Variants in PHACTR2 observed in about 807,000 individuals in gnomAD.
The protein encoded by PHACTR2 is chromosome 6 open reading frame 56.
A neutral mutation model predicts 76.0 loss-of-function variants in PHACTR2; 30 were observed. That is an observed-to-expected ratio of 0.39 (90% CI 0.30 to 0.54). The LOEUF (loss-of-function observed/expected upper bound fraction) is 0.54, where lower values mean the gene tolerates loss of function less well. PHACTR2 is among the 20% of genes least tolerant of loss of function. The pLI is 0.61. For synonymous variants in PHACTR2, 292 were observed against 292.5 expected, an observed-to-expected ratio of 1.00 and a Z score of 0.02; for missense variants, 696 against 781.1, an observed-to-expected ratio of 0.89 and a Z score of 1.30.
In PHACTR2 at chr6:143,809,286, A is replaced by G. The variant is rs1232701319; in HGVS notation, c.1922+2153A>G. ...GGTTCTTTCTGTTCTGTTGTACTCT[A>G]TATGAAGAAGCACAATAAAATTGGA... is the stretch of plus-strand genomic sequence containing the variant. On this transcript the variant is annotated intron_variant, in intron 12 of 12. Coordinates refer to ENST00000440869, the MANE Select transcript of PHACTR2 (RefSeq NM_001100164.2). The surrounding 1 kb of genome is among the most constrained non-coding windows in gnomAD (Gnocchi z 4.2). 1.3e-5 allele frequency among the ~76,000 whole-genome samples: 2 copies of G among 152,236 alleles called. No homozygotes were observed. Among genetic ancestry groups the G allele is most frequent in the Non-Finnish European group, 2.9e-5 (2 of 68,044 alleles).
intron 1 of PHACTR2, among the ~76,000 whole-genome samples, chr6:143,566,000 G>C (rs1775357896): frequency 2.6e-5 from 4 of 152,142 alleles, no homozygotes; most frequent in Admixed American, 2.6e-4. Flanking sequence ...GCTTGTGGGG[G>C]GTTATCCTTA....
intron 2 of PHACTR2, among the ~76,000 whole-genome samples, chr6:143,719,571 A>T (rs1323348044): frequency 6.7e-6 from 1 of 148,532 alleles, no homozygotes; most frequent in Non-Finnish European, 1.5e-5. Flanking sequence ...GCTGGTCTTG[A>T]ACTCCTGACC....
In PHACTR2 at chr6:143,689,179, C is replaced by G. The variant is rs575710942; in HGVS notation, c.46+10970C>G. Among the ~76,000 whole-genome samples, 1 of 152,224 alleles carries G rather than the reference C, an allele frequency of 6.6e-6. No homozygotes were observed. The highest frequency in any genetic ancestry group is 1.5e-5 in the Non-Finnish European group (1 of 68,052). ...TCATAGAGACCTTCCCTGCCTACCC[C>G]TCTCCAGAATAACCCACCCAGGTCC... is the stretch of plus-strand genomic sequence containing the variant. On this transcript the variant is annotated intron_variant, in intron 1 of 12. Transcript: ENST00000440869. The surrounding 1 kb of genome is among the most constrained non-coding windows in gnomAD (Gnocchi z 4.4).
chr6:143,555,241 A>C (rs997566939), intron 1 of PHACTR2: 2 of 152,162 alleles, frequency 1.3e-5, no homozygotes, highest in Non-Finnish European at 2.9e-5. Context: ...CTGGGGAAAA[A>C]TACAGAAGAG....
rs1013086766 is a variant in PHACTR2 at position 143,672,287 on chromosome 6, C to CAA, written c.14-39716_14-39715dup. Among the ~76,000 whole-genome samples the CAA allele has an allele frequency of 6.0e-5, 7 of 116,690 alleles. No homozygotes were observed. Among genetic ancestry groups the CAA allele is most frequent in the Admixed American group, 8.1e-5 (1 of 12,294 alleles). The allele number at this position is 116,690 out of a possible 152,430, so 76.6% of individuals were successfully genotyped here. A position where few individuals can be genotyped will look rare whatever the true frequency, so the allele number is the denominator to read the frequency against. ...GCAATATAGTGAGACCCTATCTCTACAAAAAAAAAAAAAATTACAAATAAT... is the reference window on the plus strand; with the variant it reads ...GCAATATAGTGAGACCCTATCTCTACAAAAAAAAAAAAAAAATTACAAATAAT... On this transcript the variant is annotated intron_variant, in intron 1 of 11. Transcript: ENST00000305766. The surrounding 1 kb of genome is among the most constrained non-coding windows in gnomAD (Gnocchi z 5.8).
intron 1 of PHACTR2, among the ~76,000 whole-genome samples, chr6:143,660,666 C>T (rs1218394428): frequency 6.6e-6 from 1 of 152,140 alleles, no homozygotes; most frequent in Non-Finnish European, 1.5e-5. Context: ...GTAAATGAAA[C>T]ATGGCCTCCA....
intron 1 of PHACTR2, among the ~76,000 whole-genome samples, chr6:143,632,147 C>T (rs188522360): frequency 7.5e-4 from 114 of 152,296 alleles, no homozygotes; most frequent in Non-Finnish European, 1.4e-3. Flanking sequence ...AGCAGGAGTA[C>T]ATCAACTACA....
rs541068734 is a variant in PHACTR2 at position 143,576,605 on chromosome 6, G to A, written c.217+39398G>A. ...AATTGTTTGAAGAGGGGCTGGGAGC[G>A]GTGGCTCAGGCCTGTAATCCTGGCA... On this transcript the variant is annotated intron_variant, in intron 1 of 11. Coordinates refer to the PHACTR2 transcript ENST00000367584. Among the ~76,000 whole-genome samples, 6 of 152,184 alleles carry A rather than the reference G, an allele frequency of 3.9e-5. No homozygotes were observed. The East Asian group carries it at 5.8e-4, about 15-fold the overall frequency.
intron 1 of PHACTR2, among the ~76,000 whole-genome samples, chr6:143,613,541 A>T (rs1464998659): frequency 1.3e-5 from 2 of 152,198 alleles, no homozygotes; most frequent in Non-Finnish European, 2.9e-5. Context: ...AAGCAGGACA[A>T]AGTCTTTGTT....
intron 4 of PHACTR2, among the ~76,000 whole-genome samples, chr6:143,756,581 C>G (rs1321158277): frequency 6.6e-6 from 1 of 151,378 alleles, no homozygotes; most frequent in East Asian, 1.9e-4. Flanking sequence ...CGCCTGTAGT[C>G]CCAGCTACTC....
rs1199153342 is a variant in PHACTR2 at position 143,624,896 on chromosome 6, C to A, written c.13+16574C>A. On this transcript the variant is annotated intron_variant, in intron 1 of 11. Coordinates refer to the PHACTR2 transcript ENST00000305766. The surrounding 1 kb of genome is among the most constrained non-coding windows in gnomAD (Gnocchi z 4.6). ...GGAGGCCGGGAACGGTGCCTCACAC[C>A]TGTAATCCCAGTACTTTGGGAGGCC... is the stretch of plus-strand genomic sequence containing the variant. Among the ~76,000 whole-genome samples, 6 of 152,082 alleles carry A rather than the reference C, an allele frequency of 3.9e-5. No individual in the cohort carries two copies. The highest frequency in any genetic ancestry group is 8.8e-5 in the Non-Finnish European group (6 of 68,010).
chr6:143,634,345 G>T (rs1170120852), intron 1 of PHACTR2, among the ~76,000 whole-genome samples: 1 of 152,140 alleles, frequency 6.6e-6, no homozygotes, highest in Non-Finnish European at 1.5e-5. Context: ...GCCTGATCTT[G>T]CCAGAATAGG....
rs1779404415 is a variant in PHACTR2, at chr6:143,760,307, A to T, written c.455-94A>T. ...ATGCTGATTCTCAAGTACCAAGCAG[A>T]CACGCTTTGTGTCACTATCGTCATG... On this transcript the variant is annotated intron_variant, in intron 4 of 12. Coordinates refer to ENST00000440869, the MANE Select transcript of PHACTR2 (RefSeq NM_001100164.2). The surrounding 1 kb of genome is among the most constrained non-coding windows in gnomAD (Gnocchi z 6.4). 8.9e-7 allele frequency: 1 copy of T among 1,124,386 alleles called. No individual in the cohort carries two copies. The highest frequency in any genetic ancestry group is 1.5e-5 in the South Asian group (1 of 66,408). The allele number at this position is 1,124,386 out of a possible 1,614,324, so 69.7% of individuals were successfully genotyped here.
rs1776110523 is a variant in PHACTR2 at position 143,619,220 on chromosome 6, T to C, written c.13+10898T>C. Among the ~76,000 whole-genome samples the C allele has an allele frequency of 6.6e-6, 1 of 152,150 alleles. No homozygotes were observed. Among genetic ancestry groups the C allele is most frequent in the Non-Finnish European group, 1.5e-5 (1 of 68,038 alleles). On this transcript the variant is annotated intron_variant, in intron 1 of 11. Coordinates refer to the PHACTR2 transcript ENST00000305766. The surrounding 1 kb of genome is among the most constrained non-coding windows in gnomAD (Gnocchi z 4.5). ...CCTACCTGTGATCTATTTTTCTGTC[T>C]ACCTATCATTGATCAAGAGCCCTAC...
intron 1 of PHACTR2, among the ~76,000 whole-genome samples, chr6:143,584,070 G>T (rs1463753444): frequency 6.6e-6 from 1 of 152,212 alleles, no homozygotes; most frequent in African/African-American, 2.4e-5. Flanking sequence ...CTGCCTGTTA[G>T]CTGTTAATAC....
rs1775930600 is a variant in PHACTR2 at position 143,800,538 on chromosome 6, G to A, written c.1846-6519G>A. 6.6e-6 allele frequency among the ~76,000 whole-genome samples: 1 copy of A among 152,158 alleles called. No homozygotes were observed. The highest frequency in any genetic ancestry group is 2.1e-4 in the South Asian group (1 of 4,822). On this transcript the variant is annotated intron_variant, in intron 11 of 12. Transcript: ENST00000440869. The surrounding 1 kb of genome is among the most constrained non-coding windows in gnomAD (Gnocchi z 4.8). ...GGCCTCCCAAAGTGCTGGGATTACA[G>A]GTGTGAGCCACCGCACCCAGCCCAT...
intron 1 of PHACTR2, among the ~76,000 whole-genome samples, chr6:143,551,881 A>G (rs955935303): frequency 1.3e-5 from 2 of 152,224 alleles, no homozygotes; most frequent in African/African-American, 4.8e-5. Context: ...GGTTGGATTA[A>G]TAATGTGACC....
rs1210340439 is a variant in PHACTR2, at chr6:143,554,661, T to A, written c.217+17454T>A. On this transcript the variant is annotated intron_variant, in intron 1 of 11. Coordinates refer to the PHACTR2 transcript ENST00000367584. The surrounding 1 kb of genome is among the most constrained non-coding windows in gnomAD (Gnocchi z 5.9). ...GTAAACCAATTTAGCAGGGCTTTTG[T>A]TAAAACTGTATTTTACGAGGAAGTG... is the stretch of plus-strand genomic sequence containing the variant. The A allele has an allele frequency of 6.6e-6, 1 of 152,226 alleles. No individual in the cohort carries two copies. Among genetic ancestry groups the A allele is most frequent in the Non-Finnish European group, 1.5e-5 (1 of 68,046 alleles). 9.4% of individuals were successfully genotyped at this position (152,226 alleles called of 1,614,324 possible).
chr6:143,594,728 C>A (rs1288841863), intron 1 of PHACTR2, among the ~76,000 whole-genome samples: 1 of 152,252 alleles, frequency 6.6e-6, no homozygotes, highest in Non-Finnish European at 1.5e-5. Context: ...ACCTAGCCAG[C>A]CGCACATGGG....
Sources: gnomAD v4.1 joint callset for allele counts (sites outside exome capture counted in the v4.1 genomes callset) on GRCh38, gnomAD v4.1.1 for gene constraint, Gnocchi (gnomAD v3.1) non-coding constraint, MANE v1.5 for transcripts, NCBI Gene and HGNC (gene_info 2026-07-23, HGNC 2026-07-21) for gene names.